Variants in MYMX observed in about 807,000 individuals in gnomAD.
MYMX encodes the protein myomixer, myoblast fusion factor.
the MYMX span, among the ~76,000 whole-genome samples, chr6:44,211,823 T>TGTGTGTG: frequency 7.3e-5 from 11 of 150,702 alleles, no homozygotes; most frequent in Admixed American, 2.0e-4. Flanking sequence ...TGTGTGTGTG[T>TGTGTGTG]TTAGTAGAGA....
At chr6:44,201,017 C>A in the MYMX span, among the ~76,000 whole-genome samples, 10 of 152,298 alleles carry the variant, frequency 6.6e-5, no homozygotes, top group East Asian at 1.9e-3. Flanking sequence ...TTCAGGCAAC[C>A]TCCAACTCCC....
chr6:44,197,674 T>C, the MYMX span, among the ~76,000 whole-genome samples: 1 of 152,272 alleles, frequency 6.6e-6, no homozygotes, highest in East Asian at 1.9e-4. Context: ...TTCACATTTA[T>C]GGATTACTTA....
the MYMX span, among the ~76,000 whole-genome samples, chr6:44,192,891 C>T: frequency 9.9e-5 from 15 of 152,184 alleles, no homozygotes; most frequent in Non-Finnish European, 2.1e-4. Context: ...TGATGTACTT[C>T]GAGAGCCTGC....
At chr6:44,197,943 T>C in the MYMX span, among the ~76,000 whole-genome samples, 7 of 152,034 alleles carry the variant, frequency 4.6e-5, no homozygotes, top group African/African-American at 1.7e-4. Context: ...TTCAATTATA[T>C]GGACTGCAAA....
chr6:44,214,890 G>A (rs895079372), upstream of MYMX, among the ~76,000 whole-genome samples: 2 of 152,108 alleles, frequency 1.3e-5, no homozygotes, highest in Non-Finnish European at 2.9e-5. Flanking sequence ...AGAACTGAGC[G>A]AGATCCTGAA....
chr6:44,210,871 G>C, the MYMX span, among the ~76,000 whole-genome samples: 1 of 152,216 alleles, frequency 6.6e-6, no homozygotes, highest in African/African-American at 2.4e-5. Context: ...GCTCACGCCT[G>C]TAATCCCAGC....
chr6:44,212,407 A>AAAATAAATAAATAAATAAAT (rs35574545), upstream of MYMX, among the ~76,000 whole-genome samples: 1 of 146,352 alleles, frequency 6.8e-6, no homozygotes, highest in African/African-American at 2.5e-5. Flanking sequence ...CCTGTCTCAA[A>AAAATAAATAAATAAATAAAT]AAATAAATAA....
chr6:44,208,591 T>G, the MYMX span, among the ~76,000 whole-genome samples: 6 of 152,154 alleles, frequency 3.9e-5, no homozygotes, highest in Admixed American at 1.3e-4. Context: ...CCCAAGCTCC[T>G]CCAGCTTCCC....
chr6:44,200,459 C>T, the MYMX span, among the ~76,000 whole-genome samples: 10 of 152,176 alleles, frequency 6.6e-5, no homozygotes, highest in East Asian at 3.9e-4. Context: ...GGACTACAGG[C>T]GCCTGCCACC....
the MYMX span, among the ~76,000 whole-genome samples, chr6:44,208,127 C>T: frequency 0.023 from 3,554 of 151,594 alleles, 129 homozygotes; most frequent in African/African-American, 0.08. Flanking sequence ...ACTTTGGAGG[C>T]GGAAGCAGGA....
chr6:44,196,381 A>G, the MYMX span, among the ~76,000 whole-genome samples: 177 of 152,306 alleles, frequency 1.2e-3, 3 homozygotes, highest in East Asian at 0.031. Flanking sequence ...TCATTGTGTT[A>G]TAAACTCTTT....
chr6:44,202,938 G>A, the MYMX span, among the ~76,000 whole-genome samples: 5 of 152,328 alleles, frequency 3.3e-5, no homozygotes, highest in African/African-American at 9.6e-5. Flanking sequence ...AAGAGGCAGC[G>A]GTGGGGTAGG....
the MYMX span, among the ~76,000 whole-genome samples, chr6:44,201,961 C>T: frequency 1.3e-5 from 2 of 151,982 alleles, no homozygotes; most frequent in Admixed American, 6.6e-5. Flanking sequence ...CTCAGAAGCA[C>T]CTCCAGCCAA....
chr6:44,216,444 G>C (rs112714723), upstream of MYMX, among the ~76,000 whole-genome samples: 3 of 151,994 alleles, frequency 2.0e-5, no homozygotes, highest in African/African-American at 7.3e-5. Context: ...GAGCTCAGGA[G>C]TTTGAGACCA....
At chr6:44,206,319 C>T in the MYMX span, among the ~76,000 whole-genome samples, 1 of 152,164 alleles carries the variant, frequency 6.6e-6, no homozygotes, top group Non-Finnish European at 1.5e-5. Context: ...GCAACTGCCG[C>T]CTCCTGGGTT....
the MYMX span, among the ~76,000 whole-genome samples, chr6:44,201,585 A>G: frequency 6.6e-6 from 1 of 152,212 alleles, no homozygotes; most frequent in South Asian, 2.1e-4. Context: ...TGATTCTTCA[A>G]GCATTAACAG....
upstream of MYMX, among the ~76,000 whole-genome samples, chr6:44,214,790 C>T (rs771626376): frequency 6.6e-6 from 1 of 152,158 alleles, no homozygotes; most frequent in Non-Finnish European, 1.5e-5. Flanking sequence ...CCAGGCTGGT[C>T]TTGAACTCCT....
At chr6:44,193,711 G>A in the MYMX span, among the ~76,000 whole-genome samples, 26 of 152,264 alleles carry the variant, frequency 1.7e-4, no homozygotes, top group Admixed American at 1.7e-3. Context: ...GGCCAGGCGC[G>A]GTGACTCATG....
the MYMX span, among the ~76,000 whole-genome samples, chr6:44,199,398 A>G: frequency 1.3e-5 from 2 of 151,836 alleles, no homozygotes; most frequent in Middle Eastern, 6.8e-3. Context: ...CAGTTTCATC[A>G]TGTTGCCCAG....
Sources: allele counts gnomAD v4.1 joint callset (sites outside exome capture counted in the v4.1 genomes callset), GRCh38; gene constraint gnomAD v4.1.1; transcripts MANE v1.5; gene names NCBI Gene and HGNC (gene_info 2026-07-23, HGNC 2026-07-21).